The following DNAH9 variants were observed in gnomAD, a reference collection of about 807,000 sequenced individuals.
The protein encoded by DNAH9 is DNAH9 variant protein.
A neutral mutation model predicts 471.6 loss-of-function variants in DNAH9; 345 were observed. The observed-to-expected ratio is 0.73, with a 90% CI of 0.67 to 0.80. DNAH9 has a LOEUF of 0.80. Among genes scored for constraint, DNAH9 ranks in the 30% least tolerant of loss-of-function variants. The probability of loss-of-function intolerance (pLI) is 0.00; values close to 1 mark genes in which losing one functional copy is unlikely to be tolerated. For missense variants in DNAH9, 5,407 were observed against 5,609.2 expected, an observed-to-expected ratio of 0.96 and a Z score of 1.15; for synonymous variants, 2,093 against 2,123.6, an observed-to-expected ratio of 0.99 and a Z score of 0.40.
chr17:11,664,734 G>GT (rs2073836341), intron 14 of DNAH9, 99 bp from the exon 15 acceptor site: 3 of 996,116 alleles, frequency 3.0e-6, no homozygotes, highest in East Asian at 5.1e-5. Flanking sequence ...CCACAAGAGA[G>GT]TTTTTTTCTC....
At chr17:11,725,986 A>G (rs1321590267) in intron 27 of DNAH9, among the ~76,000 whole-genome samples, 2 of 152,318 alleles carry the variant, frequency 1.3e-5, no homozygotes, top group Non-Finnish European at 2.9e-5. Flanking sequence ...ACCTCCAAAG[A>G]TCCCTCATAG....
At chr17:11,939,917 G>A (rs965766425) in intron 66 of DNAH9, among the ~76,000 whole-genome samples, 2 of 151,884 alleles carry the variant, frequency 1.3e-5, no homozygotes, top group South Asian at 2.1e-4. Context: ...ATGGGTAGAT[G>A]GGTGATGGAT....
chr17:11,632,459 GA>G (rs1461014572), intron 7 of DNAH9, 127 bp from the exon 8 acceptor site: 4 of 618,756 alleles, frequency 6.5e-6, no homozygotes, highest in Non-Finnish European at 1.2e-5. Flanking sequence ...ATGCCATGGT[GA>G]ATTTCAGAAA....
At chr17:11,603,715 G>A (rs946231015) in intron 1 of DNAH9, among the ~76,000 whole-genome samples, 9 of 152,178 alleles carry the variant, frequency 5.9e-5, no homozygotes, top group Admixed American at 3.9e-4. Flanking sequence ...TTCCTGGAAT[G>A]TGTGTCTCCT....
intron 26 of DNAH9, among the ~76,000 whole-genome samples, chr17:11,713,583 A>G (rs9906094): frequency 0.83 from 126,200 of 152,008 alleles, 56,032 homozygotes; most frequent in Non-Finnish European, 0.98. Flanking sequence ...TTGAAGTGCA[A>G]ACGTTTTGAA....
Position 11,738,963 on chromosome 17 carries a change from C to T in DNAH9, c.5898C>T (p.Val1966=), listed in dbSNP as rs745556615. The stretch of plus-strand genomic sequence containing the variant: ...AGGAGATCAGCCTGAATCCTTCTGT[C>T]GGTATCTTCATCACCATGAACCCAG... ...LGEEISLNPS[V]GIFITMNPGY... The change falls in exon 29 of 69, where the codon GTC becomes GTT. Residue 1966 remains valine, a synonymous_variant. Coordinates refer to ENST00000262442, the MANE Select transcript of DNAH9 (RefSeq NM_001372.4). 7.4e-6 allele frequency: 12 copies of T among 1,613,850 alleles called. No homozygotes were observed. The highest frequency in any genetic ancestry group is 1.6e-4 in the Middle Eastern group (1 of 6,084).
At chr17:11,904,818 A>G (rs1356738152) in intron 60 of DNAH9, among the ~76,000 whole-genome samples, 1 of 152,024 alleles carries the variant, frequency 6.6e-6, no homozygotes, top group African/African-American at 2.4e-5. Context: ...TAAGACCAGG[A>G]GCTGGGTCAG....
chr17:11,791,472 A>G (rs952376827), intron 41 of DNAH9, among the ~76,000 whole-genome samples: 3 of 152,180 alleles, frequency 2.0e-5, no homozygotes, highest in African/African-American at 7.2e-5. Flanking sequence ...GCACTTTAGG[A>G]GACCAAGGTG....
At chr17:11,880,671 C>T (rs1297948030) in intron 54 of DNAH9, among the ~76,000 whole-genome samples, 5 of 152,084 alleles carry the variant, frequency 3.3e-5, no homozygotes, top group South Asian at 2.1e-4. Context: ...AGGAAGGAGA[C>T]GGGCAATGGG....
chr17:11,711,067 T>G (rs1466023847), intron 26 of DNAH9, among the ~76,000 whole-genome samples: 1 of 152,198 alleles, frequency 6.6e-6, no homozygotes, highest in Non-Finnish European at 1.5e-5. Flanking sequence ...TTATAACTTC[T>G]CACTCAGAAG....
At chr17:11,893,091 C>A (rs1324686114) in intron 58 of DNAH9, among the ~76,000 whole-genome samples, 1 of 148,624 alleles carries the variant, frequency 6.7e-6, no homozygotes, top group Non-Finnish European at 1.5e-5. Flanking sequence ...TCAGGGCCTG[C>A]CTGAGTTCAT....
In DNAH9 at chr17:11,937,780, T is replaced by A. The variant is rs1022459706; in HGVS notation, c.12660+258T>A. On this transcript the variant is annotated intron_variant, in intron 66 of 68. Transcript: ENST00000262442. This position sits in a 1 kb window ranked among gnomAD's most constrained non-coding sequence, Gnocchi z 4.1. ...GTTTTCTTTGCCAGTCCACCCAAAG[T>A]CCATTTTTATTCAGCTTCTCTGCCA... is the stretch of plus-strand genomic sequence containing the variant. Among the ~76,000 whole-genome samples, 3 of 152,154 alleles carry A rather than the reference T, an allele frequency of 2.0e-5. No homozygotes were observed. The highest frequency in any genetic ancestry group is 1.3e-4 in the Admixed American group (2 of 15,276).
chr17:11,684,115 C>A (rs2074191184), intron 19 of DNAH9, among the ~76,000 whole-genome samples: 1 of 152,134 alleles, frequency 6.6e-6, no homozygotes, highest in Non-Finnish European at 1.5e-5. Flanking sequence ...ATTCTGGTTT[C>A]TTCACTTTTA....
At chr17:11,830,422 A>T (rs1349184361) in intron 48 of DNAH9, among the ~76,000 whole-genome samples, 1 of 152,234 alleles carries the variant, frequency 6.6e-6, no homozygotes, top group East Asian at 1.9e-4. Flanking sequence ...TCAATCTGGA[A>T]ACTTAAATTC....
intron 65 of DNAH9, among the ~76,000 whole-genome samples, chr17:11,936,963 C>G (rs1356579379): frequency 2.6e-5 from 4 of 152,072 alleles, no homozygotes; most frequent in Non-Finnish European, 5.9e-5. Context: ...GTCTGGAATC[C>G]TAGAAGAGCT....
At chr17:11,602,593 A>G (rs1391227633) in intron 1 of DNAH9, among the ~76,000 whole-genome samples, 1 of 152,060 alleles carries the variant, frequency 6.6e-6, no homozygotes, top group Non-Finnish European at 1.5e-5. Context: ...AGATGGTGCT[A>G]CCCTTGCGTG....
At position 11,619,587 on chromosome 17, in the gene DNAH9, G is replaced by A. The variant is rs756451314; in HGVS notation, c.1156G>A (p.Glu386Lys). The change falls in exon 6 of 69, where the codon GAG (glutamate) becomes AAG (lysine). Residue 386 changes from glutamate (E) to lysine (K), a missense_variant. Glu to Lys is a moderately conservative substitution (Grantham distance 56). Around this residue, in one of 3 missense-constraint regions of DNAH9, gnomAD observed 767 missense variants for 692.5 expected, o/e 1.11. Transcript: ENST00000262442. ...CAGCCCAGAAGACCTGCTGAGAAGT[G>A]AGGTAGAAGAAAGTCAGAGAAAACT... The part of the protein sequence containing the change: ...YLSPEDLLRS[E>K]VEESQRKLQV... The A allele has an allele frequency of 3.1e-6, 5 of 1,613,942 alleles. No individual in the cohort carries two copies. Among genetic ancestry groups the A allele is most frequent in the African/African-American group, 1.3e-5 (1 of 74,926 alleles).
intron 14 of DNAH9, among the ~76,000 whole-genome samples, chr17:11,660,994 A>G (rs982156310): frequency 3.3e-5 from 5 of 151,566 alleles, no homozygotes; most frequent in Middle Eastern, 3.4e-3. Context: ...ACAATTTTGG[A>G]TTTGTCTATT....
intron 4 of DNAH9, among the ~76,000 whole-genome samples, chr17:11,616,139 G>T (rs2072737441): frequency 6.6e-6 from 1 of 152,138 alleles, no homozygotes; most frequent in South Asian, 2.1e-4. Context: ...AGCTGGACAG[G>T]ATTGGTTGTT....
Sources: allele counts gnomAD v4.1 joint callset (sites outside exome capture counted in the v4.1 genomes callset), GRCh38; gene constraint gnomAD v4.1.1; regional missense constraint gnomAD v4.1.1; non-coding constraint Gnocchi (gnomAD v3.1); transcripts MANE v1.5; gene names NCBI Gene and HGNC (gene_info 2026-07-23, HGNC 2026-07-21).